SLC14A2: variants seen among roughly 807,000 people sequenced by gnomAD.
The protein encoded by SLC14A2 is solute carrier family 14 member 2.
In SLC14A2, 91 loss-of-function variants were observed where a neutral mutation model predicts 104.6. The observed-to-expected ratio is 0.87, with a 90% CI of 0.73 to 1.04. The LOEUF is 1.04. Among genes scored for constraint, SLC14A2 ranks in the 50% least tolerant of loss-of-function variants. The pLI is 0.00. For synonymous variants in SLC14A2, 476 were observed against 466.4 expected (o/e 1.02, Z -0.27); for missense variants, 1,189 against 1,156.0 (o/e 1.03, Z -0.41).
chr18:45,247,084 A>T (rs1454779736), intron 1 of SLC14A2, among the ~76,000 whole-genome samples: 1 of 152,208 alleles, frequency 6.6e-6, no homozygotes, highest in Admixed American at 6.5e-5. Context: ...CAGAACATCA[A>T]GTTTAATGTG....
intron 2 of SLC14A2, among the ~76,000 whole-genome samples, chr18:45,498,194 C>A (rs1244430853): frequency 2.0e-4 from 30 of 152,186 alleles, no homozygotes; most frequent in Non-Finnish European, 1.3e-4. Context: ...TTGTGTAGTG[C>A]AAGTTTTTAA....
intron 1 of SLC14A2, among the ~76,000 whole-genome samples, chr18:45,244,022 G>A (rs2084344280): frequency 1.3e-5 from 2 of 152,042 alleles, no homozygotes; most frequent in South Asian, 4.1e-4. Context: ...GACCATTCCT[G>A]GCCAGCGTAC....
chr18:45,538,477 T>C (rs1290759302), intron 2 of SLC14A2, among the ~76,000 whole-genome samples: 65 of 152,212 alleles, frequency 4.3e-4, no homozygotes, highest in Non-Finnish European at 8.8e-5. Context: ...CCACTCCTAA[T>C]CTCATCACCT....
At chr18:45,192,641 T>TG in the SLC14A2 span, among the ~76,000 whole-genome samples, 19 of 145,648 alleles carry the variant, frequency 1.3e-4, no homozygotes, top group South Asian at 4.3e-4. Context: ...TGTGTGGTTT[T>TG]TTTTTGTTTT....
At chr18:45,315,398 G>A (rs1411371205) in intron 1 of SLC14A2, among the ~76,000 whole-genome samples, 1 of 152,136 alleles carries the variant, frequency 6.6e-6, no homozygotes, top group East Asian at 1.9e-4. Flanking sequence ...AGGAGGGTGG[G>A]GGAGAAAAGA....
intron 1 of SLC14A2, among the ~76,000 whole-genome samples, chr18:45,322,150 G>A (rs1033112430): frequency 6.6e-6 from 1 of 152,160 alleles, no homozygotes; most frequent in African/African-American, 2.4e-5. Flanking sequence ...AGGAATAAAT[G>A]GCAAATACTT....
intron 1 of SLC14A2, among the ~76,000 whole-genome samples, chr18:45,430,055 A>G (rs2086490583): frequency 6.6e-6 from 1 of 152,196 alleles, no homozygotes; most frequent in African/African-American, 2.4e-5. Flanking sequence ...CTCAGATGTT[A>G]AGCAACTCAG....
chr18:45,314,820 T>G lies in SLC14A2; in HGVS notation c.-125+101629T>G, dbSNP rs1313138745. 3.3e-5 allele frequency among the ~76,000 whole-genome samples: 5 copies of G among 152,284 alleles called. No individual in the cohort carries two copies. The South Asian group carries it at 1.0e-3, about 32-fold the overall frequency. On this transcript the variant is annotated intron_variant, in intron 1 of 20. Coordinates refer to the SLC14A2 transcript ENST00000586448. ...TAAAGCAACCACAAGCTAAGGAGCA[T>G]TTACTGCATGTGAGACACTGGAGTA...
At chr18:45,313,327 A>C (rs1036359921) in intron 1 of SLC14A2, among the ~76,000 whole-genome samples, 13 of 152,130 alleles carry the variant, frequency 8.5e-5, no homozygotes, top group Admixed American at 7.9e-4. Flanking sequence ...ATGGGAGCTA[A>C]GTCATCCCCA....
intron 2 of SLC14A2, among the ~76,000 whole-genome samples, chr18:45,588,120 C>A (rs1002871958): frequency 1.3e-5 from 2 of 152,118 alleles, no homozygotes; most frequent in South Asian, 2.1e-4. Context: ...AATTCAAATT[C>A]TTCTATGTAG....
At chr18:45,294,356 A>C (rs531592506) in intron 1 of SLC14A2, among the ~76,000 whole-genome samples, 1 of 152,326 alleles carries the variant, frequency 6.6e-6, no homozygotes, top group South Asian at 2.1e-4. Context: ...TACTGAAAAC[A>C]TCCTGTATTT....
chr18:45,289,368 G>T (rs956840989), intron 1 of SLC14A2, among the ~76,000 whole-genome samples: 3 of 152,042 alleles, frequency 2.0e-5, no homozygotes, highest in Non-Finnish European at 4.4e-5. Flanking sequence ...CCTCCATAGT[G>T]GTTCTTTGAG....
chr18:45,447,566 A>G (rs2086790766), intron 1 of SLC14A2: 1 of 152,228 alleles, frequency 6.6e-6, no homozygotes, highest in Admixed American at 6.5e-5. Context: ...ACCACCTTTC[A>G]CAAAGAGCTT....
upstream of SLC14A2, among the ~76,000 whole-genome samples, chr18:45,612,472 C>T (rs559845534): frequency 6.6e-6 from 1 of 152,360 alleles, no homozygotes; most frequent in South Asian, 2.1e-4. Flanking sequence ...GAATACATCA[C>T]TCACAGCATA....
chr18:45,494,698 C>T (rs79994904), intron 2 of SLC14A2, among the ~76,000 whole-genome samples: 11,171 of 152,060 alleles, frequency 0.073, 533 homozygotes, highest in East Asian at 0.21. Context: ...CCACTGTGCC[C>T]GGCCTGGTAG....
rs137992821 is a variant in SLC14A2, at chr18:45,524,737, C to T, written c.-35+41415C>T. 3.9e-5 allele frequency among the ~76,000 whole-genome samples: 6 copies of T among 152,138 alleles called. No homozygotes were observed. In the East Asian group the frequency reaches 1.2e-3, roughly 29 times the overall value. On this transcript the variant is annotated intron_variant, in intron 2 of 20. Coordinates refer to the SLC14A2 transcript ENST00000586448. The stretch of plus-strand genomic sequence containing the variant: ...GTATACGAAAACACACAGGTGTAGA[C>T]CTAACTGCTAAGCCCTTAAATGCCT...
chr18:45,365,993 CA>C (rs527561100), intron 1 of SLC14A2, among the ~76,000 whole-genome samples: 11,344 of 110,744 alleles, frequency 0.1, 460 homozygotes, highest in Non-Finnish European at 0.14. Context: ...GCAAAAGGAC[CA>C]AAAAAAAAAA....
chr18:45,236,604 T>C (rs1260733681), intron 1 of SLC14A2, among the ~76,000 whole-genome samples: 1 of 149,998 alleles, frequency 6.7e-6, no homozygotes, highest in Non-Finnish European at 1.5e-5. Context: ...AAAGTATATA[T>C]TCATGTGTGT....
chr18:45,586,357 G>C (rs573082866), intron 2 of SLC14A2, among the ~76,000 whole-genome samples: 1 of 152,192 alleles, frequency 6.6e-6, no homozygotes, highest in African/African-American at 2.4e-5. Flanking sequence ...AGGAGTGGGG[G>C]AGGAGAGGAG....
Sources: allele counts gnomAD v4.1 joint callset (sites outside exome capture counted in the v4.1 genomes callset), GRCh38; gene constraint gnomAD v4.1.1; transcripts MANE v1.5; gene names NCBI Gene and HGNC (gene_info 2026-07-23, HGNC 2026-07-21).